The following CFAP299 variants were observed in gnomAD, a reference collection of about 807,000 sequenced individuals.
CFAP299 encodes the protein cilia and flagella associated protein 299.
A neutral mutation model predicts 27.0 loss-of-function variants in CFAP299; 21 were observed. That is an observed-to-expected ratio of 0.78 (90% CI 0.55 to 1.12). The LOEUF (loss-of-function observed/expected upper bound fraction) is 1.12, where lower values mean the gene tolerates loss of function less well. Ranked by LOEUF, CFAP299 falls within the 50% of genes most tolerant of loss-of-function variation. CFAP299 has a pLI of 0.00. For synonymous variants in CFAP299, 104 were observed against 98.1 expected, an observed-to-expected ratio of 1.06 and a Z score of -0.36; for missense variants, 310 against 276.6, an observed-to-expected ratio of 1.12 and a Z score of -0.86.
chr4:80,423,637 G>A (rs1243715734), intron 2 of CFAP299, among the ~76,000 whole-genome samples: 2 of 152,188 alleles, frequency 1.3e-5, no homozygotes, highest in Non-Finnish European at 2.9e-5. Context: ...AGTTACTGGA[G>A]GGGTTGTCTC....
rs572892716 is a variant in CFAP299, at chr4:80,691,758, C to A, written c.333+108575C>A. ...AGGAAAAGAGGAAGTCAAATTGTCC[C>A]TGTTTGCAGTTGACATGATTGTATA... On this transcript the variant is annotated intron_variant, in intron 3 of 5. Transcript: ENST00000358105. Among the ~76,000 whole-genome samples, 5 of 152,140 alleles carry A rather than the reference C, an allele frequency of 3.3e-5. No individual in the cohort carries two copies. The South Asian group carries it at 1.0e-3, about 32-fold the overall frequency.
chr4:80,564,128 C>T (rs1735168844), intron 2 of CFAP299, among the ~76,000 whole-genome samples: 1 of 151,970 alleles, frequency 6.6e-6, no homozygotes, highest in African/African-American at 2.4e-5. Flanking sequence ...ACCAATCCTA[C>T]TCAACCTATT....
intron 3 of CFAP299, among the ~76,000 whole-genome samples, chr4:80,719,960 G>C: frequency 6.6e-6 from 1 of 151,938 alleles, no homozygotes; most frequent in South Asian, 2.1e-4. Context: ...AAGGACACTG[G>C]TTTCTGAGAG....
intron 2 of CFAP299, among the ~76,000 whole-genome samples, chr4:80,562,245 A>G (rs1459584224): frequency 2.0e-5 from 3 of 152,066 alleles, no homozygotes; most frequent in African/African-American, 4.8e-5. Flanking sequence ...GGAAAAGAAT[A>G]CCACAAAATA....
chr4:80,510,471 A>T (rs570192428), intron 2 of CFAP299, among the ~76,000 whole-genome samples: 3 of 152,134 alleles, frequency 2.0e-5, no homozygotes, highest in South Asian at 2.1e-4. Context: ...AACACCTCAT[A>T]GTCTCTCTTG....
chr4:80,586,555 T>C (rs987656306), intron 3 of CFAP299, among the ~76,000 whole-genome samples: 1 of 152,188 alleles, frequency 6.6e-6, no homozygotes, highest in Non-Finnish European at 1.5e-5. Flanking sequence ...TTTTAACTTA[T>C]AGTCTGTGCA....
intron 3 of CFAP299, among the ~76,000 whole-genome samples, chr4:80,659,877 C>T (rs528315046): frequency 6.6e-6 from 1 of 151,942 alleles, no homozygotes; most frequent in African/African-American, 2.4e-5. Flanking sequence ...CTAACAAATT[C>T]AGGATAAATG....
chr4:80,599,285 T>C (rs1322714148), intron 3 of CFAP299, among the ~76,000 whole-genome samples: 1 of 152,190 alleles, frequency 6.6e-6, no homozygotes. Flanking sequence ...ATTTTCTGCA[T>C]AATTTGTTTA....
intron 2 of CFAP299, among the ~76,000 whole-genome samples, chr4:80,398,773 G>A (rs534541090): frequency 6.6e-6 from 1 of 152,122 alleles, no homozygotes; most frequent in Non-Finnish European, 1.5e-5. Context: ...TCAGAACATA[G>A]GCATGGGCAA....
At chr4:80,822,419 A>G (rs752868187) in intron 3 of CFAP299, among the ~76,000 whole-genome samples, 2 of 152,182 alleles carry the variant, frequency 1.3e-5, no homozygotes, top group Non-Finnish European at 2.9e-5. Flanking sequence ...ATATACAATA[A>G]CATTCACCAT....
rs1391199811 is a variant in CFAP299 at position 80,782,663 on chromosome 4, T to C, written c.334-87330T>C. On this transcript the variant is annotated intron_variant, in intron 3 of 5. Coordinates refer to ENST00000358105, the MANE Select transcript of CFAP299 (RefSeq NM_152770.3). ...ATACATATATGAATATATAATATAT[T>C]CATATATAATATACATATATGAATA... is the stretch of plus-strand genomic sequence containing the variant. Among the ~76,000 whole-genome samples, 7 of 126,938 alleles carry C rather than the reference T, an allele frequency of 5.5e-5. No homozygotes were observed. The East Asian group carries it at 1.4e-3, about 25-fold the overall frequency. The allele number at this position is 126,938 out of a possible 152,430, so 83.3% of individuals were successfully genotyped here.
the CFAP299 span, among the ~76,000 whole-genome samples, chr4:80,322,119 G>C: frequency 1.3e-5 from 2 of 152,194 alleles, no homozygotes; most frequent in Admixed American, 1.3e-4. Flanking sequence ...ACTGGTATGG[G>C]GTTACCCTGG....
At chr4:80,864,789 A>G (rs552324334) in intron 3 of CFAP299, among the ~76,000 whole-genome samples, 1 of 152,172 alleles carries the variant, frequency 6.6e-6, no homozygotes, top group Admixed American at 6.6e-5. Context: ...AAAGTTTTCA[A>G]AAGCAATAGA....
chr4:80,767,436 T>C (rs1192742275), intron 3 of CFAP299, among the ~76,000 whole-genome samples: 18 of 151,978 alleles, frequency 1.2e-4, no homozygotes, highest in Non-Finnish European at 2.9e-5. Flanking sequence ...GGTGAAACCC[T>C]GTCTCTACTA....
intron 3 of CFAP299, among the ~76,000 whole-genome samples, chr4:80,622,081 A>C (rs1472471338): frequency 2.0e-5 from 3 of 152,174 alleles, no homozygotes; most frequent in Admixed American, 2.0e-4. Context: ...TCAATCCCAA[A>C]CATAGGAAGT....
chr4:80,506,882 T>G (rs1297593236), intron 2 of CFAP299, among the ~76,000 whole-genome samples: 1 of 152,100 alleles, frequency 6.6e-6, no homozygotes, highest in Non-Finnish European at 1.5e-5. Context: ...ATAATATGAA[T>G]AAAGAAAACA....
intron 3 of CFAP299, among the ~76,000 whole-genome samples, chr4:80,774,295 T>A (rs1726392135): frequency 1.3e-5 from 2 of 151,872 alleles, no homozygotes; most frequent in South Asian, 4.1e-4. Flanking sequence ...CATAAACAAA[T>A]ACCTTTTTAG....
intron 3 of CFAP299, among the ~76,000 whole-genome samples, chr4:80,752,659 G>A (rs1725003060): frequency 6.6e-6 from 1 of 151,268 alleles, no homozygotes; most frequent in Admixed American, 6.6e-5. Context: ...ATTTAAATGT[G>A]GCAAAATCTG....
At chr4:80,888,299 T>G (rs972723873) in intron 4 of CFAP299, among the ~76,000 whole-genome samples, 1 of 151,980 alleles carries the variant, frequency 6.6e-6, no homozygotes, top group Admixed American at 6.6e-5. Context: ...AAAAAGATAT[T>G]CCATGCTAAC....
Sources: gnomAD v4.1 joint callset for allele counts (sites outside exome capture counted in the v4.1 genomes callset) on GRCh38, gnomAD v4.1.1 for gene constraint, MANE v1.5 for transcripts, NCBI Gene and HGNC (gene_info 2026-07-23, HGNC 2026-07-21) for gene names.